SRR: variants seen among roughly 807,000 people sequenced by gnomAD.
SRR encodes the protein D-serine ammonia-lyase.
In SRR, 19 loss-of-function variants were observed where a neutral mutation model predicts 32.7. That is an observed-to-expected ratio of 0.58 (90% CI 0.40 to 0.85). The LOEUF is 0.85. SRR is among the 40% of genes least tolerant of loss of function. The pLI is 0.00. For missense variants in SRR, 373 were observed against 404.7 expected (o/e 0.92, Z 0.67); for synonymous variants, 142 against 140.9 (o/e 1.01, Z -0.06).
chr17:2,306,880 G>A lies in SRR; in HGVS notation c.-5+2863G>A, dbSNP rs547936749. The A allele has an allele frequency of 1.5e-4, 136 of 909,628 alleles. 1 individual carries two copies. The highest frequency in any genetic ancestry group is 1.3e-3 in the Middle Eastern group (4 of 3,116). 56.3% of individuals were successfully genotyped at this position (909,628 alleles called of 1,614,324 possible). A position where few individuals can be genotyped will look rare whatever the true frequency, so the allele number is the denominator to read the frequency against. ...CCATTCTGAGCAATGGGGAACACTC[G>A]CGGACTGTGTGGTAATGAGAGATCC... On this transcript the variant is annotated intron_variant, in intron 1 of 7. Coordinates refer to ENST00000344595, the MANE Select transcript of SRR (RefSeq NM_021947.3).
intron 1 of SRR, among the ~76,000 whole-genome samples, chr17:2,305,270 C>T (rs1307990984): frequency 6.6e-6 from 1 of 152,152 alleles, no homozygotes; most frequent in Non-Finnish European, 1.5e-5. Flanking sequence ...ATTTGAGAGG[C>T]CATTGCATGA....
In SRR at chr17:2,325,024, G is replaced by A; in HGVS notation, c.*1151G>A. ...GTTCTTGAAAACTTGTACTTCAAGA[G>A]AAATGATGTATAACAAAACCATACT... On this transcript the variant is annotated 3_prime_UTR_variant, in exon 8 of 8. Coordinates refer to ENST00000344595, the MANE Select transcript of SRR (RefSeq NM_021947.3). 1 of 629,600 alleles carries A rather than the reference G, an allele frequency of 1.6e-6. No homozygotes were observed. Among genetic ancestry groups the A allele is most frequent in the Non-Finnish European group, 2.7e-6 (1 of 375,802 alleles). The allele number at this position is 629,600 out of a possible 1,614,324, so 39.0% of individuals were successfully genotyped here. A position where few individuals can be genotyped will look rare whatever the true frequency, so the allele number is the denominator to read the frequency against.
At chr17:2,310,859 G>A (rs2075428640) in intron 1 of SRR, among the ~76,000 whole-genome samples, 1 of 152,068 alleles carries the variant, frequency 6.6e-6, no homozygotes, top group Non-Finnish European at 1.5e-5. Flanking sequence ...CCATTCTCCT[G>A]CCTCAGCCTC....
chr17:2,316,788 C>T lies in SRR; in HGVS notation c.168+1060C>T, dbSNP rs958223981. On this transcript the variant is annotated intron_variant, in intron 2 of 7. Coordinates refer to ENST00000344595, the MANE Select transcript of SRR (RefSeq NM_021947.3). The stretch of plus-strand genomic sequence containing the variant: ...AGTGCAGTGGCACGATCTCGGCTCA[C>T]TGTAAGCTCCACCTCCCAGGTTCAC... Among the ~76,000 whole-genome samples the T allele has an allele frequency of 6.6e-5, 10 of 152,042 alleles. No homozygotes were observed. The East Asian group carries it at 1.9e-3, about 29-fold the overall frequency.
chr17:2,314,287 T>G (rs2075454506), intron 1 of SRR, among the ~76,000 whole-genome samples: 1 of 151,876 alleles, frequency 6.6e-6, no homozygotes. Context: ...CCGTCTCTAT[T>G]AAAAATACAA....
chr17:2,323,431 C>A, intron 7 of SRR, 86 bp downstream of exon 7: 1 of 1,482,946 alleles, frequency 6.7e-7, no homozygotes, highest in Non-Finnish European at 9.3e-7. Flanking sequence ...GCAAGTGACC[C>A]ACGGGAACCT....
chr17:2,318,287 G>A (rs1297551772), intron 3 of SRR, among the ~76,000 whole-genome samples: 1 of 151,562 alleles, frequency 6.6e-6, no homozygotes, highest in East Asian at 1.9e-4. Flanking sequence ...TGGGACTACA[G>A]GTGCGCACCA....
intron 2 of SRR, among the ~76,000 whole-genome samples, chr17:2,317,207 GAAAAAA>G (rs1238108697): frequency 3.7e-5 from 2 of 54,330 alleles, no homozygotes; most frequent in Non-Finnish European, 6.5e-5. Context: ...CATCTCGGGG[GAAAAAA>G]AAAAAAAAAA....
At chr17:2,303,807 G>C, upstream of SRR, 1 of 1,131,380 alleles carries the variant, frequency 8.8e-7, no homozygotes, top group Non-Finnish European at 1.2e-6. Context: ...GCGCGCGCTC[G>C]CCCACCTCCC....
At position 2,324,487 on chromosome 17, in the gene SRR, A is replaced by C. The variant is rs750327506; in HGVS notation, c.*614A>C. ...TGCAGAAATGCAGACATGGTCTCAA[A>C]TCCCGTGTTTCCTTACCTAAAGGTT... is the stretch of plus-strand genomic sequence containing the variant. On this transcript the variant is annotated 3_prime_UTR_variant, in exon 8 of 8. Transcript: ENST00000344595. 2 of 1,614,198 alleles carry C rather than the reference A, an allele frequency of 1.2e-6. No homozygotes were observed. Among genetic ancestry groups the C allele is most frequent in the Non-Finnish European group, 1.7e-6 (2 of 1,180,030 alleles).
At chr17:2,320,009 G>A (rs1027646684) in intron 4 of SRR, among the ~76,000 whole-genome samples, 4 of 150,580 alleles carry the variant, frequency 2.7e-5, no homozygotes, top group East Asian at 2.0e-4. Context: ...TAGTAGAGAC[G>A]GGGTTTCACT....
rs1431243647 is a variant in SRR at position 2,324,691 on chromosome 17, CT to C, written c.*819del. 1.9e-6 allele frequency: 3 copies of C among 1,614,000 alleles called. No individual in the cohort carries two copies. Among genetic ancestry groups the C allele is most frequent in the Non-Finnish European group, 2.5e-6 (3 of 1,180,036 alleles). On this transcript the variant is annotated 3_prime_UTR_variant, in exon 8 of 8. Coordinates refer to ENST00000344595, the MANE Select transcript of SRR (RefSeq NM_021947.3). The stretch of plus-strand genomic sequence containing the variant: ...CCATCCTCCTCCTTCATACCCACCT[CT>C]GTTGAAGAACATGTAACGTACTACT...
Position 2,318,994 on chromosome 17 carries a change from T to C in SRR, c.399+65T>C. ...ATTTGACCAATGGCTCTTTCTACCTTACTGGCTGCTCCTTCTCAGCCTCCT... is the reference window on the plus strand; with the variant it reads ...ATTTGACCAATGGCTCTTTCTACCTCACTGGCTGCTCCTTCTCAGCCTCCT... On this transcript the variant is annotated intron_variant, in intron 4 of 7. Transcript: ENST00000344595. The C allele has an allele frequency of 3.6e-6, 4 of 1,121,120 alleles. No individual in the cohort carries two copies. In the Admixed American group the frequency reaches 7.2e-5, roughly 20 times the overall value. 69.4% of individuals were successfully genotyped at this position (1,121,120 alleles called of 1,614,324 possible). A position where few individuals can be genotyped will look rare whatever the true frequency, so the allele number is the denominator to read the frequency against.
Position 2,323,650 on chromosome 17 carries a change from A to G in SRR, c.805-5A>G. On this transcript the variant is annotated splice_region_variant and splice_polypyrimidine_tract_variant and intron_variant, in intron 7 of 7. Transcript: ENST00000344595. ...ACTAATTCCTACTCCCTTCCATATC[A>G]ACAGTGTGCAACCCAGCTGGTGTGG... The G allele has an allele frequency of 6.2e-7, 1 of 1,613,980 alleles. No individual in the cohort carries two copies. The highest frequency in any genetic ancestry group is 8.5e-7 in the Non-Finnish European group (1 of 1,179,876).
At position 2,318,147 on chromosome 17, in the gene SRR, G is replaced by T. The variant is rs971007435; in HGVS notation, c.295+151G>T. ...CAATATGAACATAAGTTTTTTTTTT[G>T]TTTGTTTTGTTTTTTTGAAGACAGA... On this transcript the variant is annotated intron_variant, in intron 3 of 7. Coordinates refer to ENST00000344595, the MANE Select transcript of SRR (RefSeq NM_021947.3). 5.8e-5 allele frequency: 54 copies of T among 928,598 alleles called. No homozygotes were observed. In the South Asian group the frequency reaches 7.0e-4, roughly 12 times the overall value. 57.5% of individuals were successfully genotyped at this position (928,598 alleles called of 1,614,324 possible). A position where few individuals can be genotyped will look rare whatever the true frequency, so the allele number is the denominator to read the frequency against.
At chr17:2,322,952 A>T in intron 6 of SRR, 184 bp from the exon 7 acceptor site, 1 of 585,194 alleles carries the variant, frequency 1.7e-6, no homozygotes, top group Non-Finnish European at 3.0e-6. Flanking sequence ...TTTAGTTGAC[A>T]CTGCATTTCA....
At chr17:2,321,112 T>C (rs2075524078) in intron 4 of SRR, among the ~76,000 whole-genome samples, 194 bp from the exon 5 acceptor site, 2 of 152,218 alleles carry the variant, frequency 1.3e-5, no homozygotes, top group Admixed American at 6.5e-5. Context: ...ACATACCATA[T>C]ATTTACTTCA....
rs760685466 is a variant in SRR, at chr17:2,323,313, G to C, written c.772G>C (p.Asp258His). 1 of 1,613,926 alleles carries C rather than the reference G, an allele frequency of 6.2e-7. No homozygotes were observed. Among genetic ancestry groups the C allele is most frequent in the Admixed American group, 1.7e-5 (1 of 59,992 alleles). ...GCCTATTATCAGGGACCTTGTGGAT[G>C]ATATCTTCACTGTCACAGAGGATGA... Reference protein sequence around the residue: ...TWPIIRDLVDDIFTVTEDEIK... With the variant: ...TWPIIRDLVDHIFTVTEDEIK... The change falls in exon 7 of 8, where the codon GAT becomes CAT. Residue 258 changes from aspartate to histidine, a missense_variant. Asp to His is a moderately conservative substitution (Grantham distance 81, BLOSUM62 -1). Coordinates refer to ENST00000344595, the MANE Select transcript of SRR (RefSeq NM_021947.3).
chr17:2,312,964 T>C (rs391300), intron 1 of SRR, among the ~76,000 whole-genome samples: 88,736 of 151,994 alleles, frequency 0.58, 26,302 homozygotes, highest in East Asian at 0.69. Context: ...GTCCTGCTTA[T>C]GTTGCCCAGG....
Sources: allele counts gnomAD v4.1 joint callset (sites outside exome capture counted in the v4.1 genomes callset), GRCh38; gene constraint gnomAD v4.1.1; transcripts MANE v1.5; gene names NCBI Gene and HGNC (gene_info 2026-07-23, HGNC 2026-07-21).